TTC1: variants seen among roughly 807,000 people sequenced by gnomAD.
TTC1 encodes the protein tetratricopeptide repeat protein 1.
In TTC1, 31 loss-of-function variants were observed where a neutral mutation model predicts 37.6. The ratio of observed to expected loss-of-function variants is 0.82; its 90% CI spans 0.62 to 1.11. The LOEUF (loss-of-function observed/expected upper bound fraction) is 1.11, where lower values mean the gene tolerates loss of function less well. TTC1 is among the 50% of genes most tolerant of loss of function. The pLI, the probability that TTC1 is intolerant of heterozygous loss-of-function variation, is 0.00. For synonymous variants in TTC1, 127 were observed against 122.4 expected, an observed-to-expected ratio of 1.04 and a Z score of -0.25; for missense variants, 351 against 339.0, an observed-to-expected ratio of 1.04 and a Z score of -0.28.
Position 160,036,781 on chromosome 5 carries a change from G to C in TTC1, c.482G>C (p.Arg161Thr), listed in dbSNP as rs375255193. The C allele has an allele frequency of 6.2e-7, 1 of 1,613,512 alleles. No individual in the cohort carries two copies. Among genetic ancestry groups the C allele is most frequent in the Non-Finnish European group, 8.5e-7 (1 of 1,179,722 alleles). Residue 161 changes from arginine to threonine, a missense_variant, in exon 4 of 8, where the codon AGA becomes ACA. Arg to Thr is a moderately conservative substitution (Grantham distance 71). Coordinates refer to ENST00000231238, the MANE Select transcript of TTC1 (RefSeq NM_003314.3). ...QKERSILFSN[R>T]AAARMKQDKK... Reference sequence around the variant, plus strand: ...GAGAGGTCGATTCTATTTTCAAATAGAGCTGCAGCAAGGATGAAACAGGTA... The same window carrying C: ...GAGAGGTCGATTCTATTTTCAAATACAGCTGCAGCAAGGATGAAACAGGTA...
chr5:160,056,329 T>C (rs987366336), intron 7 of TTC1, among the ~76,000 whole-genome samples: 1 of 152,176 alleles, frequency 6.6e-6, no homozygotes, highest in African/African-American at 2.4e-5. Flanking sequence ...ATATTCCTGG[T>C]GTCCTGATTC....
At chr5:160,037,569 A>G (rs1383324837) in intron 4 of TTC1, among the ~76,000 whole-genome samples, 3 of 152,210 alleles carry the variant, frequency 2.0e-5, no homozygotes, top group Admixed American at 6.5e-5. Flanking sequence ...TACAAAAATT[A>G]GCCAGGCATG....
chr5:160,025,969 A>G, intron 2 of TTC1, among the ~76,000 whole-genome samples: 2 of 152,216 alleles, frequency 1.3e-5, no homozygotes, highest in East Asian at 3.8e-4. Flanking sequence ...CATAAGGATT[A>G]AATGATTAGC....
At chr5:160,052,563 A>AAAT (rs1245454628) in intron 7 of TTC1, among the ~76,000 whole-genome samples, 1 of 151,484 alleles carries the variant, frequency 6.6e-6, no homozygotes, top group Non-Finnish European at 1.5e-5. Flanking sequence ...AAAAAAAAAA[A>AAAT]AAAAAAAAAA....
At chr5:160,043,756 G>A (rs1477268530) in intron 5 of TTC1, among the ~76,000 whole-genome samples, 1 of 152,238 alleles carries the variant, frequency 6.6e-6, no homozygotes, top group Non-Finnish European at 1.5e-5. Flanking sequence ...CAACTGTGAT[G>A]AGGGACAGTT....
chr5:160,012,087 C>T (rs1283053404), intron 2 of TTC1, among the ~76,000 whole-genome samples: 1 of 152,126 alleles, frequency 6.6e-6, no homozygotes, highest in African/African-American at 2.4e-5. Flanking sequence ...GCAAATACAG[C>T]TCAAAAAAAT....
At chr5:160,046,050 G>A (rs1033240487) in intron 5 of TTC1, among the ~76,000 whole-genome samples, 1 of 151,970 alleles carries the variant, frequency 6.6e-6, no homozygotes, top group Non-Finnish European at 1.5e-5. Flanking sequence ...TCAAGATTAG[G>A]GTTCTTTCAG....
chr5:160,051,744 G>C (rs1757409635), intron 7 of TTC1, among the ~76,000 whole-genome samples: 1 of 152,150 alleles, frequency 6.6e-6, no homozygotes, highest in South Asian at 2.1e-4. Flanking sequence ...AAGCATTTTA[G>C]AGTTGGAACC....
At chr5:160,011,399 G>A (rs1249314009) in intron 2 of TTC1, among the ~76,000 whole-genome samples, 1 of 152,104 alleles carries the variant, frequency 6.6e-6, no homozygotes, top group East Asian at 1.9e-4. Flanking sequence ...GCCATCCACT[G>A]ACTTAAAATG....
intron 2 of TTC1, among the ~76,000 whole-genome samples, chr5:160,029,680 G>T (rs557495842): frequency 9.1e-4 from 139 of 152,134 alleles, no homozygotes; most frequent in African/African-American, 3.2e-3. Flanking sequence ...ACTCCTTGGA[G>T]ATATGGCAAA....
chr5:160,013,583 A>G (rs1453136771), intron 2 of TTC1, among the ~76,000 whole-genome samples: 3 of 151,832 alleles, frequency 2.0e-5, no homozygotes, highest in Non-Finnish European at 4.4e-5. Flanking sequence ...TCTCTACTAA[A>G]AATACAAAAA....
At chr5:160,064,867 T>A (rs1253785589) in intron 7 of TTC1, 65 bp from the exon 8 acceptor site, 1 of 1,526,808 alleles carries the variant, frequency 6.5e-7, no homozygotes, top group Non-Finnish European at 8.9e-7. Context: ...AAGGCAAGAT[T>A]AATTGGTACC....
intron 5 of TTC1, 79 bp from the exon 6 acceptor site, chr5:160,049,435 T>G (rs1342119042): frequency 7.8e-7 from 1 of 1,284,842 alleles, no homozygotes; most frequent in African/African-American, 1.5e-5. Context: ...GGAGGATGAT[T>G]GATGAAGGAA....
In TTC1 at chr5:160,023,294, CT is replaced by C. The variant is rs774203414; in HGVS notation, c.331-11832del. On this transcript the variant is annotated intron_variant, in intron 2 of 7. Transcript: ENST00000231238. ...AAATTAGGCAAAATTGGTTTTCTTT[CT>C]TTTTTTTTTTTTTGGAAATAGAGTT... Among the ~76,000 whole-genome samples, 462 of 132,308 alleles carry C rather than the reference CT, an allele frequency of 3.5e-3. 1 individual carries two copies. Among genetic ancestry groups the C allele is most frequent in the Non-Finnish European group, 5.6e-3 (339 of 60,948 alleles). The allele number at this position is 132,308 out of a possible 152,430, so 86.8% of individuals were successfully genotyped here.
intron 6 of TTC1, among the ~76,000 whole-genome samples, chr5:160,050,161 C>A (rs6873213): frequency 0.066 from 10,041 of 151,328 alleles, 376 homozygotes; most frequent in East Asian, 0.12. Flanking sequence ...AAAAACAAAC[C>A]AACAGGCTGG....
chr5:160,010,349 A>C (rs1235692467), intron 1 of TTC1, among the ~76,000 whole-genome samples, 151 bp from the exon 2 acceptor site: 1 of 151,688 alleles, frequency 6.6e-6, no homozygotes, highest in Non-Finnish European at 1.5e-5. Flanking sequence ...ATTATTACTT[A>C]TGATAAGCTG....
At chr5:160,023,432 C>T (rs2113353361) in intron 2 of TTC1, among the ~76,000 whole-genome samples, 1 of 152,038 alleles carries the variant, frequency 6.6e-6, no homozygotes, top group East Asian at 1.9e-4. Context: ...GCTGGGACTA[C>T]AGGCATAAGC....
chr5:160,014,587 C>T (rs1309360191), intron 2 of TTC1, among the ~76,000 whole-genome samples: 1 of 151,878 alleles, frequency 6.6e-6, no homozygotes, highest in Non-Finnish European at 1.5e-5. Flanking sequence ...GCCTGTAGCC[C>T]CACCACTCAG....
At chr5:160,026,402 A>T (rs1342260757) in intron 2 of TTC1, among the ~76,000 whole-genome samples, 2 of 152,210 alleles carry the variant, frequency 1.3e-5, no homozygotes, top group African/African-American at 4.8e-5. Context: ...ATATTGGGGT[A>T]TTGAAATCTT....
Sources: allele counts gnomAD v4.1 joint callset (sites outside exome capture counted in the v4.1 genomes callset), GRCh38; gene constraint gnomAD v4.1.1; transcripts MANE v1.5; gene names NCBI Gene and HGNC (gene_info 2026-07-23, HGNC 2026-07-21).